EPS15: variants seen among roughly 807,000 people sequenced by gnomAD.
EPS15 encodes the protein epidermal growth factor receptor substrate 15.
In EPS15, 72 loss-of-function variants were observed where a neutral mutation model predicts 113.8. That is an observed-to-expected ratio of 0.63 (90% CI 0.52 to 0.77). The LOEUF (loss-of-function observed/expected upper bound fraction) is 0.77, where lower values mean the gene tolerates loss of function less well. Among genes scored for constraint, EPS15 ranks in the 30% least tolerant of loss-of-function variants. The pLI, the probability that EPS15 is intolerant of heterozygous loss-of-function variation, is 0.00. For missense variants in EPS15, 1,048 were observed against 1,045.8 expected, an observed-to-expected ratio of 1.00 and a Z score of -0.03; for synonymous variants, 344 against 363.4, an observed-to-expected ratio of 0.95 and a Z score of 0.61.
chr1:51,510,964 G>A (rs866049010), intron 1 of EPS15, among the ~76,000 whole-genome samples: 20 of 152,092 alleles, frequency 1.3e-4, no homozygotes, highest in South Asian at 6.2e-4. Flanking sequence ...TCAGGAGTTC[G>A]AGACCAGCCT....
chr1:51,467,318 T>C (rs973778271), intron 5 of EPS15, among the ~76,000 whole-genome samples: 3 of 152,226 alleles, frequency 2.0e-5, no homozygotes, highest in African/African-American at 7.2e-5. Flanking sequence ...ATTTCTACTT[T>C]TGGAAATTAA....
chr1:51,363,978 G>A lies in EPS15; in HGVS notation c.2247C>T (p.Asn749=), dbSNP rs746512152. ...FRSATSSSVS[N]VVITKNVFEE... Reference sequence around the variant, plus strand: ...CAAATACATTTTTTGTAATCACTACGTTGCTGACAGAGCTCGATGTGGCTG... The same window carrying A: ...CAAATACATTTTTTGTAATCACTACATTGCTGACAGAGCTCGATGTGGCTG... Residue 749 remains asparagine (N), a synonymous_variant, in exon 23 of 25, where the codon AAC becomes AAT. Transcript: ENST00000371733. 19 of 1,613,608 alleles carry A rather than the reference G, an allele frequency of 1.2e-5. No homozygotes were observed. Among genetic ancestry groups the A allele is most frequent in the Middle Eastern group, 3.3e-4 (2 of 6,082 alleles).
Position 51,408,331 on chromosome 1 carries a change from A to C in EPS15, c.1277T>G (p.Ile426Ser). ...AGTTAATTCAGCTTTCAGAGAAGAGATCTATAATGTGAAAGTGAATGAGAA... is the reference window on the plus strand; with the variant it reads ...AGTTAATTCAGCTTTCAGAGAAGAGCTCTATAATGTGAAAGTGAATGAGAA... ...RKKCAEEAQLISSLKAELTSQ... is the reference protein window; with the variant it reads ...RKKCAEEAQLSSSLKAELTSQ... Residue 426 changes from isoleucine (I) to serine (S), a missense_variant and splice_region_variant, in exon 15 of 25, where the codon ATC becomes AGC. Transcript: ENST00000371733. The C allele has an allele frequency of 1.2e-6, 2 of 1,606,926 alleles. No homozygotes were observed. Among genetic ancestry groups the C allele is most frequent in the Non-Finnish European group, 1.7e-6 (2 of 1,173,468 alleles).
chr1:51,382,932 T>C (rs960421439), intron 21 of EPS15, among the ~76,000 whole-genome samples: 3 of 152,170 alleles, frequency 2.0e-5, no homozygotes, highest in South Asian at 2.1e-4. Context: ...TGAAGACATA[T>C]AGATGAGAAA....
intron 16 of EPS15, 90 bp from the exon 17 acceptor site, chr1:51,403,622 T>TAAA: frequency 1.6e-6 from 1 of 626,268 alleles, no homozygotes; most frequent in Non-Finnish European, 2.7e-6. Context: ...TATTTAAAAA[T>TAAA]AAAAAAAGAC....
At chr1:51,459,935 G>A (rs545285978) in intron 8 of EPS15, among the ~76,000 whole-genome samples, 15 of 151,742 alleles carry the variant, frequency 9.9e-5, no homozygotes, top group Admixed American at 2.0e-4. Context: ...ACTCATCTCC[G>A]AGAAATTTAA....
intron 24 of EPS15, among the ~76,000 whole-genome samples, chr1:51,359,064 A>G (rs1646314072): frequency 6.6e-6 from 1 of 152,136 alleles, no homozygotes; most frequent in African/African-American, 2.4e-5. Context: ...AAACTACCAG[A>G]GGGTTATTTT....
intron 10 of EPS15, among the ~76,000 whole-genome samples, chr1:51,446,759 C>T (rs1222701313): frequency 1.3e-5 from 2 of 152,224 alleles, no homozygotes; most frequent in East Asian, 1.9e-4. Flanking sequence ...CCAGCGGATG[C>T]TGTCAATCTT....
At chr1:51,473,175 A>G (rs1431228888) in intron 2 of EPS15, among the ~76,000 whole-genome samples, 1 of 152,218 alleles carries the variant, frequency 6.6e-6, no homozygotes, top group East Asian at 1.9e-4. Flanking sequence ...GCCCTACCAT[A>G]CAAATGAGAA....
chr1:51,429,418 C>CT (rs1214480094), intron 12 of EPS15, among the ~76,000 whole-genome samples: 7 of 149,990 alleles, frequency 4.7e-5, no homozygotes, highest in Non-Finnish European at 1.0e-4. Flanking sequence ...GAATTGTACA[C>CT]TTTAAGTAGT....
At chr1:51,508,362 A>G (rs1407911736) in intron 1 of EPS15, among the ~76,000 whole-genome samples, 1 of 150,882 alleles carries the variant, frequency 6.6e-6, no homozygotes, top group African/African-American at 2.4e-5. Context: ...GAAAGAAAGA[A>G]AGAAAGAAAG....
rs540816236 is a variant in EPS15, at chr1:51,387,365, A to C, written c.2119+7016T>G. 4.2e-3 allele frequency among the ~76,000 whole-genome samples: 643 copies of C among 152,334 alleles called. 3 individuals are homozygous for C. Among genetic ancestry groups the C allele is most frequent in the Middle Eastern group, 6.8e-3 (2 of 294 alleles). On this transcript the variant is annotated intron_variant, in intron 21 of 24. Coordinates refer to ENST00000371733, the MANE Select transcript of EPS15 (RefSeq NM_001981.3). ...AACCAGTACCAGCCACTGCAAAATC[A>C]TGCCAAATTGTAAAGACCATCGAGA...
chr1:51,490,147 C>T (rs1006501764), intron 1 of EPS15, among the ~76,000 whole-genome samples: 4 of 152,126 alleles, frequency 2.6e-5, no homozygotes, highest in African/African-American at 7.2e-5. Flanking sequence ...TTTCTGGTGT[C>T]ATTTTTAGGG....
intron 1 of EPS15, among the ~76,000 whole-genome samples, chr1:51,506,466 A>G (rs1557534472): frequency 6.6e-6 from 1 of 152,180 alleles, no homozygotes; most frequent in African/African-American, 2.4e-5. Context: ...ATAAGTGCTC[A>G]TGTCAATTAT....
chr1:51,466,641 T>C (rs564967595), intron 5 of EPS15, among the ~76,000 whole-genome samples: 1 of 150,762 alleles, frequency 6.6e-6, no homozygotes, highest in Non-Finnish European at 1.5e-5. Context: ...AATAAATAAA[T>C]AAATAAAAAT....
intron 12 of EPS15, 66 bp from the exon 13 acceptor site, chr1:51,421,924 T>G: frequency 1.3e-6 from 2 of 1,593,736 alleles, no homozygotes; most frequent in Non-Finnish European, 1.7e-6. Flanking sequence ...TGGTTATCCA[T>G]CCTCCTAATC....
chr1:51,403,979 C>G (rs1236364873), intron 16 of EPS15, among the ~76,000 whole-genome samples: 1 of 152,090 alleles, frequency 6.6e-6, no homozygotes, highest in African/African-American at 2.4e-5. Flanking sequence ...TGATCGTGAC[C>G]CTTCTGGTTA....
intron 12 of EPS15, among the ~76,000 whole-genome samples, chr1:51,438,749 G>C (rs1652354326): frequency 6.6e-6 from 1 of 152,040 alleles, no homozygotes; most frequent in Admixed American, 6.6e-5. Context: ...TTGCAACAAA[G>C]TCAAAAATTT....
At chr1:51,518,602 T>G (rs1644772770) in intron 1 of EPS15, 1 of 152,470 alleles carries the variant, frequency 6.6e-6, no homozygotes, top group South Asian at 2.1e-4. Context: ...ATGAGACTTC[T>G]TTGGAGGCGA....
Sources: allele counts gnomAD v4.1 joint callset (sites outside exome capture counted in the v4.1 genomes callset), GRCh38; gene constraint gnomAD v4.1.1; transcripts MANE v1.5; gene names NCBI Gene and HGNC (gene_info 2026-07-23, HGNC 2026-07-21).